The following MED12L variants were observed in gnomAD, a reference collection of about 807,000 sequenced individuals.
MED12L encodes mediator complex subunit 12L.
MED12L carries 60 observed loss-of-function variants against 281.3 expected under a neutral mutation model. The ratio of observed to expected loss-of-function variants is 0.21; its 90% confidence interval spans 0.17 to 0.26. The LOEUF is 0.26. MED12L is among the 10% of genes least tolerant of loss of function. The pLI is 1.00. For synonymous variants in MED12L, 974 were observed against 987.2 expected (o/e 0.99, Z 0.25); for missense variants, 2,146 against 2,680.9 (o/e 0.80, Z 4.41).
intron 16 of MED12L, chr3:151,199,193 A>C: frequency 6.2e-7 from 1 of 1,614,162 alleles, no homozygotes; most frequent in Non-Finnish European, 8.5e-7. Context: ...TGGTAATGCC[A>C]GAGTAAGCAG....
intron 31 of MED12L, among the ~76,000 whole-genome samples, chr3:151,379,527 T>C (rs1339126486): frequency 6.6e-6 from 1 of 152,242 alleles, no homozygotes; most frequent in Admixed American, 6.5e-5. Context: ...TGTTGGAGCC[T>C]GTGGGCTGTG....
intron 5 of MED12L, among the ~76,000 whole-genome samples, chr3:151,154,444 A>G (rs1718989738): frequency 6.6e-6 from 1 of 152,212 alleles, no homozygotes; most frequent in South Asian, 2.1e-4. Flanking sequence ...GGCCTTACAG[A>G]TGGTTTTTCT....
chr3:151,216,162 T>C (rs1330791948), intron 16 of MED12L, among the ~76,000 whole-genome samples: 1 of 152,228 alleles, frequency 6.6e-6, no homozygotes, highest in Admixed American at 6.5e-5. Flanking sequence ...TTGAATTCTT[T>C]GCATAATATT....
At chr3:151,319,466 T>TGC (rs58289265) in intron 16 of MED12L, among the ~76,000 whole-genome samples, 34 of 100,994 alleles carry the variant, frequency 3.4e-4, no homozygotes, top group African/African-American at 1.1e-3. Flanking sequence ...TGTGTGTGTG[T>TGC]GCGTGTGTGT....
At position 151,213,356 on chromosome 3, in the gene MED12L, C is replaced by G. The variant is rs749456790; in HGVS notation, c.2250+19690C>G. 1.2e-6 allele frequency: 2 copies of G among 1,613,566 alleles called. No individual in the cohort carries two copies. Among genetic ancestry groups the G allele is most frequent in the African/African-American group, 2.7e-5 (2 of 74,900 alleles). On this transcript the variant is annotated intron_variant, in intron 16 of 44. Coordinates refer to ENST00000687756, the MANE Select transcript of MED12L (RefSeq NM_001393769.1). ...TTTCCTCTTTTGATTCTGGAAATGT[C>G]TAGGTCATTCTGAGCTTTTAATGGA...
rs150176046 is a variant in MED12L, at chr3:151,234,650, A to G, written c.2250+40984A>G. On this transcript the variant is annotated intron_variant, in intron 16 of 44. Transcript: ENST00000687756. ...TAATGGGTTGAGTAAGTTCCCAGAT[A>G]TGGTAATCAGAGCCCCTACAACTAG... Among the ~76,000 whole-genome samples the G allele has an allele frequency of 2.0e-3, 308 of 152,346 alleles. 2 individuals are homozygous for G. The highest frequency in any genetic ancestry group is 7.3e-3 in the African/African-American group (305 of 41,580).
intron 6 of MED12L, 102 bp downstream of exon 6, chr3:151,156,432 C>A (rs1348824555): frequency 9.1e-7 from 1 of 1,100,966 alleles, no homozygotes; most frequent in Non-Finnish European, 1.3e-6. Flanking sequence ...TTTACATGAA[C>A]CAATACATTC....
At chr3:151,274,678 T>C (rs1033536275) in intron 16 of MED12L, among the ~76,000 whole-genome samples, 4 of 152,250 alleles carry the variant, frequency 2.6e-5, no homozygotes, top group Non-Finnish European at 4.4e-5. Flanking sequence ...TAGAATCGTC[T>C]CCAAATCCCC....
At chr3:151,230,610 T>C (rs1731477508) in intron 16 of MED12L, among the ~76,000 whole-genome samples, 1 of 151,960 alleles carries the variant, frequency 6.6e-6, no homozygotes, top group Non-Finnish European at 1.5e-5. Flanking sequence ...TTCCTTCTAA[T>C]GTTTCTTTGA....
intron 16 of MED12L, among the ~76,000 whole-genome samples, chr3:151,260,777 ATTC>A (rs1411472543): frequency 6.6e-6 from 1 of 152,172 alleles, no homozygotes; most frequent in African/African-American, 2.4e-5. Flanking sequence ...AAATAACTGT[ATTC>A]TTGTAAATAA....
intron 39 of MED12L, among the ~76,000 whole-genome samples, chr3:151,402,034 G>A (rs1331697826): frequency 6.6e-6 from 1 of 152,194 alleles, no homozygotes; most frequent in African/African-American, 2.4e-5. Flanking sequence ...ACCAATACAA[G>A]CATGGCAGCT....
intron 16 of MED12L, among the ~76,000 whole-genome samples, chr3:151,200,502 A>C (rs1478477140): frequency 1.3e-5 from 2 of 152,262 alleles, no homozygotes; most frequent in East Asian, 3.8e-4. Context: ...ATTGAAGGCC[A>C]GATCAGCTAC....
chr3:151,247,420 A>G (rs1372772872), intron 16 of MED12L, among the ~76,000 whole-genome samples: 2 of 152,066 alleles, frequency 1.3e-5, no homozygotes, highest in Non-Finnish European at 2.9e-5. Flanking sequence ...ACACCATGGA[A>G]TACTATGCAG....
rs115147132 is a variant in MED12L, at chr3:151,354,230, T to A, written c.2399-891T>A. Among the ~76,000 whole-genome samples the A allele has an allele frequency of 9.0e-3, 1,363 of 152,060 alleles. 22 individuals carry two copies. Among genetic ancestry groups the A allele is most frequent in the African/African-American group, 0.032 (1,310 of 41,496 alleles). On this transcript the variant is annotated intron_variant, in intron 17 of 44. Coordinates refer to ENST00000687756, the MANE Select transcript of MED12L (RefSeq NM_001393769.1). ...AACTTTTCCTTTTTGTTTTTAGATT[T>A]GTCTTTGTAAACATAAAATATTAAA...
rs192518427 is a variant in MED12L, at chr3:151,271,367, G to A, written c.2250+77701G>A. Among the ~76,000 whole-genome samples, 277 of 152,286 alleles carry A rather than the reference G, an allele frequency of 1.8e-3. 1 individual carries two copies. Among genetic ancestry groups the A allele is most frequent in the African/African-American group, 6.4e-3 (268 of 41,576 alleles). ...AAACTTGACAATGTTAAGAATTGAC[G>A]AGGAAATAGAATAATTGATACTTTG... is the stretch of plus-strand genomic sequence containing the variant. On this transcript the variant is annotated intron_variant, in intron 16 of 44. Coordinates refer to ENST00000687756, the MANE Select transcript of MED12L (RefSeq NM_001393769.1).
chr3:151,255,975 T>G (rs1339259748), intron 16 of MED12L, among the ~76,000 whole-genome samples: 1 of 152,212 alleles, frequency 6.6e-6, no homozygotes, highest in Non-Finnish European at 1.5e-5. Context: ...AATGCCTAGC[T>G]CTAAGGTCAG....
At chr3:151,086,455 G>C (rs1719206854) in intron 1 of MED12L, 1 of 152,112 alleles carries the variant, frequency 6.6e-6, no homozygotes, top group African/African-American at 2.4e-5. Flanking sequence ...GAGCACTTCA[G>C]CCACCAGCCT....
At chr3:151,175,590 G>C (rs923316120) in intron 11 of MED12L, among the ~76,000 whole-genome samples, 1 of 152,122 alleles carries the variant, frequency 6.6e-6, no homozygotes. Context: ...TCTAAAGGAA[G>C]CCTGCCTCTC....
In MED12L at chr3:151,367,735, G is replaced by A. The variant is rs150120181; in HGVS notation, c.3417G>A (p.Gln1139=). The A allele has an allele frequency of 1.2e-5, 19 of 1,611,362 alleles. No homozygotes were observed. In the African/African-American group the frequency reaches 1.7e-4, roughly 15 times the overall value. The change falls in exon 24 of 45, where the codon CAG becomes CAA. Residue 1139 remains glutamine (Q), a synonymous_variant. Transcript: ENST00000687756. The stretch of plus-strand genomic sequence containing the variant: ...GTTTTTCCCTGGAGGACGTCGTGCA[G>A]CATGTCGCACTTCCCTCTCTTCTAG... ...RQCFSLEDVV[Q]HVALPSLLAA...
Sources: allele counts gnomAD v4.1 joint callset (sites outside exome capture counted in the v4.1 genomes callset), GRCh38; gene constraint gnomAD v4.1.1; transcripts MANE v1.5; gene names NCBI Gene and HGNC (gene_info 2026-07-23, HGNC 2026-07-21).